Variants in DSCAML1 observed in about 807,000 individuals in gnomAD.
DSCAML1 encodes the protein DS cell adhesion molecule like 1, also known as cell adhesion molecule DSCAML1.
DSCAML1 carries 38 observed loss-of-function variants against 200.5 expected under a neutral mutation model. That is an observed-to-expected ratio of 0.19 (90% CI 0.15 to 0.25). The LOEUF is 0.25. Among genes scored for constraint, DSCAML1 ranks in the 10% least tolerant of loss-of-function variants. DSCAML1 has a pLI of 1.00. For synonymous variants in DSCAML1, 1,215 were observed against 1,165.0 expected, an observed-to-expected ratio of 1.04 and a Z score of -0.87; for missense variants, 2,223 against 2,858.8, an observed-to-expected ratio of 0.78 and a Z score of 5.07.
Position 117,628,420 on chromosome 11 carries a change from C to T in DSCAML1, c.512-95898G>A, listed in dbSNP as rs138849824. Reference sequence around the variant, plus strand: ...CTCTACCTTCCCTGCCCGACCTCCTCGTGCAGGGAGAAGCACCAGTTTCAG... The same window carrying T: ...CTCTACCTTCCCTGCCCGACCTCCTTGTGCAGGGAGAAGCACCAGTTTCAG... On this transcript the variant is annotated intron_variant, in intron 3 of 32. Coordinates refer to ENST00000651296, the MANE Select transcript of DSCAML1 (RefSeq NM_020693.4). 2.3e-3 allele frequency among the ~76,000 whole-genome samples: 357 copies of T among 152,322 alleles called. 2 individuals are homozygous for T. Among genetic ancestry groups the T allele is most frequent in the African/African-American group, 7.6e-3 (315 of 41,572 alleles).
At chr11:117,535,070 G>A (rs61277802) in intron 3 of DSCAML1, among the ~76,000 whole-genome samples, 15,011 of 151,978 alleles carry the variant, frequency 0.099, 950 homozygotes, top group South Asian at 0.19. Context: ...GCCAGACACT[G>A]TGCCCCACTT....
At chr11:117,515,575 C>T (rs570612175) in intron 8 of DSCAML1, among the ~76,000 whole-genome samples, 64 of 149,750 alleles carry the variant, frequency 4.3e-4, no homozygotes, top group Middle Eastern at 7.1e-3. Context: ...AAAGACCTCA[C>T]CCAGGTGGAT....
chr11:117,481,361 G>A, intron 12 of DSCAML1, 91 bp from the exon 13 acceptor site: 1 of 1,265,524 alleles, frequency 7.9e-7, no homozygotes, highest in Non-Finnish European at 1.1e-6. Context: ...AGGGCTCTCA[G>A]CAAGGCCCTC....
At chr11:117,693,085 G>A (rs549955158) in intron 3 of DSCAML1, among the ~76,000 whole-genome samples, 6 of 152,130 alleles carry the variant, frequency 3.9e-5, no homozygotes, top group Non-Finnish European at 7.4e-5. Context: ...GAAGCATTCC[G>A]TCCTCTGCTT....
intron 3 of DSCAML1, among the ~76,000 whole-genome samples, chr11:117,737,654 C>T (rs1220809948): frequency 6.6e-6 from 1 of 152,216 alleles, no homozygotes; most frequent in African/African-American, 2.4e-5. Flanking sequence ...GTACATCATC[C>T]ATCCATAGTC....
intron 11 of DSCAML1, among the ~76,000 whole-genome samples, chr11:117,483,111 T>C (rs1592648118): frequency 6.6e-6 from 1 of 152,234 alleles, no homozygotes; most frequent in Admixed American, 6.5e-5. Flanking sequence ...CCTCTGGGCC[T>C]GAGCACCTGC....
intron 3 of DSCAML1, among the ~76,000 whole-genome samples, chr11:117,744,876 C>G (rs1342451862): frequency 6.6e-6 from 1 of 152,226 alleles, no homozygotes; most frequent in East Asian, 1.9e-4. Context: ...CTGAGATGTA[C>G]AGGGGCCCCA....
At chr11:117,757,604 ACACAC>A (rs1293227158) in intron 3 of DSCAML1, among the ~76,000 whole-genome samples, 1 of 144,650 alleles carries the variant, frequency 6.9e-6, no homozygotes, top group African/African-American at 2.9e-5. Context: ...ACACACACAC[ACACAC>A]ACACACACAC....
chr11:117,646,287 G>C (rs1446813710), intron 3 of DSCAML1, among the ~76,000 whole-genome samples: 1 of 151,898 alleles, frequency 6.6e-6, no homozygotes, highest in Non-Finnish European at 1.5e-5. Context: ...GGGACTCCCT[G>C]GAGAGGTGTG....
rs480801 is a variant in DSCAML1 at position 117,642,116 on chromosome 11, C to T, written c.512-109594G>A. Among the ~76,000 whole-genome samples, 112,304 of 152,050 alleles carry T rather than the reference C, an allele frequency of 0.74. 42,031 individuals are homozygous for T. Among genetic ancestry groups the T allele is most frequent in the African/African-American group, 0.84 (34,854 of 41,512 alleles). ...CCTCACCTGCCCTTACCATTGCCCTCGAATTATTTCTGGTTTGTAATCCCC... is the reference window on the plus strand; with the variant it reads ...CCTCACCTGCCCTTACCATTGCCCTTGAATTATTTCTGGTTTGTAATCCCC... On this transcript the variant is annotated intron_variant, in intron 3 of 32. Transcript: ENST00000651296. The surrounding 1 kb of genome is among the most constrained non-coding windows in gnomAD (Gnocchi z 4.1).
chr11:117,776,876 G>C lies in DSCAML1; in HGVS notation c.426C>G (p.Ala142=). The C allele has an allele frequency of 6.2e-7, 1 of 1,614,144 alleles. No homozygotes were observed. Among genetic ancestry groups the C allele is most frequent in the Non-Finnish European group, 8.5e-7 (1 of 1,180,016 alleles). The change falls in exon 3 of 33, where the codon GCC becomes GCG. Residue 142 remains alanine (A), a synonymous_variant. Transcript: ENST00000651296. ...AAGAGGGGATGAGGCACTTGAAGAC[G>C]GCCACGTTGCCACGCATTGACCTTT... ...EDQRSMRGNV[A]VFKCLIPSSV...
chr11:117,445,524 GC>G (rs766811556), intron 20 of DSCAML1, among the ~76,000 whole-genome samples: 1 of 152,214 alleles, frequency 6.6e-6, no homozygotes, highest in Non-Finnish European at 1.5e-5. Flanking sequence ...GTTTCTGGAC[GC>G]TGTTTTCTCT....
chr11:117,635,556 G>A (rs1179194708), intron 3 of DSCAML1, among the ~76,000 whole-genome samples: 1 of 151,622 alleles, frequency 6.6e-6, no homozygotes, highest in Non-Finnish European at 1.5e-5. Context: ...GAGGGGACGA[G>A]GCTCAGAATA....
intron 3 of DSCAML1, among the ~76,000 whole-genome samples, chr11:117,542,915 A>T (rs986875079): frequency 2.0e-5 from 3 of 152,166 alleles, no homozygotes; most frequent in African/African-American, 7.2e-5. Context: ...CTGCCAGGAA[A>T]GTGTGTGCTG....
chr11:117,741,985 C>T (rs941693552), intron 3 of DSCAML1, among the ~76,000 whole-genome samples: 5 of 152,224 alleles, frequency 3.3e-5, no homozygotes, highest in African/African-American at 9.6e-5. Flanking sequence ...AGAAAGGTTA[C>T]CCTGGGCAAA....
At chr11:117,589,513 A>G (rs1298065448) in intron 3 of DSCAML1, among the ~76,000 whole-genome samples, 1 of 152,258 alleles carries the variant, frequency 6.6e-6, no homozygotes, top group African/African-American at 2.4e-5. Context: ...GTTCTTGTAA[A>G]GGAAATGATG....
At chr11:117,512,643 T>TGTACAC (rs1555179270) in intron 8 of DSCAML1, among the ~76,000 whole-genome samples, 5,194 of 124,944 alleles carry the variant, frequency 0.042, 146 homozygotes, top group East Asian at 0.072. Context: ...CAAGCGTGTG[T>TGTACAC]ACACACACAC....
intron 3 of DSCAML1, among the ~76,000 whole-genome samples, chr11:117,637,260 G>A (rs540590853): frequency 2.0e-5 from 3 of 152,178 alleles, no homozygotes; most frequent in Admixed American, 6.5e-5. Context: ...AATCCTCAGT[G>A]AGACTATGAG....
intron 4 of DSCAML1, 109 bp from the exon 5 acceptor site, chr11:117,525,192 C>A: frequency 7.5e-7 from 1 of 1,332,692 alleles, no homozygotes; most frequent in Non-Finnish European, 9.9e-7. Flanking sequence ...CACTGGCGCC[C>A]ACAGCGAGCA....
Sources: allele counts gnomAD v4.1 joint callset (sites outside exome capture counted in the v4.1 genomes callset), GRCh38; gene constraint gnomAD v4.1.1; non-coding constraint Gnocchi (gnomAD v3.1); transcripts MANE v1.5; gene names NCBI Gene and HGNC (gene_info 2026-07-23, HGNC 2026-07-21).